Variants in DPM1 observed in about 807,000 individuals in gnomAD.
DPM1 encodes the protein dolichyl-phosphate mannosyltransferase subunit 1, catalytic.
Under a neutral mutation model 39.0 loss-of-function variants are expected in DPM1, and 27 were observed. The observed-to-expected ratio is 0.69, with a 90% CI of 0.51 to 0.95. The LOEUF (loss-of-function observed/expected upper bound fraction) is 0.95, where lower values mean the gene tolerates loss of function less well. Among genes scored for constraint, DPM1 ranks in the 40% least tolerant of loss-of-function variants. The pLI, the probability that DPM1 is intolerant of heterozygous loss-of-function variation, is 0.00. For synonymous variants in DPM1, 124 were observed against 109.0 expected, an observed-to-expected ratio of 1.14 and a Z score of -0.86; for missense variants, 307 against 315.6, an observed-to-expected ratio of 0.97 and a Z score of 0.21.
intron 5 of DPM1, among the ~76,000 whole-genome samples, chr20:50,943,405 G>A (rs1222671383): frequency 8.0e-5 from 12 of 149,874 alleles, no homozygotes; most frequent in East Asian, 6.0e-4. Flanking sequence ...CTGTTGCCAG[G>A]GTGGAGTGCA....
intron 7 of DPM1, among the ~76,000 whole-genome samples, chr20:50,938,968 C>T (rs1488793592): frequency 4.0e-5 from 6 of 151,756 alleles, no homozygotes; most frequent in Non-Finnish European, 7.4e-5. Context: ...GCAACAAGAG[C>T]GAAACCCTGT....
chr20:50,953,426 T>TTCAATATCCTTCATTTTC (rs1986680268), intron 2 of DPM1, among the ~76,000 whole-genome samples: 1 of 152,248 alleles, frequency 6.6e-6, no homozygotes, highest in Non-Finnish European at 1.5e-5. Flanking sequence ...CTAACATGGT[T>TTCAATATCCTTCATTTTC]TCAATATCCT....
At chr20:50,943,339 T>A (rs1418120759) in intron 5 of DPM1, among the ~76,000 whole-genome samples, 5 of 152,120 alleles carry the variant, frequency 3.3e-5, no homozygotes, top group Non-Finnish European at 7.4e-5. Context: ...CAATAAACAG[T>A]GCTACAATAA....
chr20:50,941,338 T>C (rs1275986684), intron 6 of DPM1: 1 of 137,170 alleles, frequency 7.3e-6, no homozygotes, highest in Non-Finnish European at 1.4e-5. Flanking sequence ...TCATATATAT[T>C]CGTATTATAT....
Position 50,936,189 on chromosome 20 carries a change from T to C in DPM1, c.637A>G (p.Met213Val), listed in dbSNP as rs762379444. 6.2e-6 allele frequency: 10 copies of C among 1,613,688 alleles called. No homozygotes were observed. Among genetic ancestry groups the C allele is most frequent in the Admixed American group, 1.7e-5 (1 of 60,008 alleles). Residue 213 changes from methionine (M) to valine (V), a missense_variant, in exon 8 of 9, where the codon ATG becomes GTG. Physicochemically the swap from Met to Val is conservative, Grantham distance 21. Transcript: ENST00000371588. ...VSKGYVFQME[M>V]IVRARQLNYT... Reference sequence around the variant, plus strand: ...TTCAACTGTCTTGCCCGAACAATCATCTCCATCTGGAAGACGTAGCCTTTA... The same window carrying C: ...TTCAACTGTCTTGCCCGAACAATCACCTCCATCTGGAAGACGTAGCCTTTA...
At chr20:50,944,527 A>G (rs1986139845) in intron 5 of DPM1, 1 of 152,320 alleles carries the variant, frequency 6.6e-6, no homozygotes, top group African/African-American at 2.4e-5. Flanking sequence ...CATGGAAAGC[A>G]AAAAGGAAGG....
At position 50,955,575 on chromosome 20, in the gene DPM1, A is replaced by AT. The variant is rs1384211854; in HGVS notation, c.162-291dup. Among the ~76,000 whole-genome samples, 25 of 152,118 alleles carry AT rather than the reference A, an allele frequency of 1.6e-4. 1 individual carries two copies. The South Asian group carries it at 3.9e-3, about 24-fold the overall frequency. ...ACGTAATGACCTATGTATCATATGA[A>AT]TTTTTTTTGTTTTGAGATGGAGTCT... On this transcript the variant is annotated intron_variant, in intron 1 of 8. Coordinates refer to ENST00000371588, the MANE Select transcript of DPM1 (RefSeq NM_003859.3).
intron 5 of DPM1, chr20:50,944,302 G>C (rs957678362): frequency 6.6e-6 from 1 of 152,076 alleles, no homozygotes; most frequent in Non-Finnish European, 1.5e-5. Context: ...TAGCCATTTG[G>C]ATTTCTTCTA....
chr20:50,956,465 G>C (rs1986825748), intron 1 of DPM1, among the ~76,000 whole-genome samples: 1 of 151,032 alleles, frequency 6.6e-6, no homozygotes. Flanking sequence ...GGCGGGGCCT[G>C]CAGTGAGCCA....
At chr20:50,948,539 T>C in intron 3 of DPM1, 90 bp downstream of exon 3, 1 of 1,168,244 alleles carries the variant, frequency 8.6e-7, no homozygotes, top group South Asian at 1.2e-5. Flanking sequence ...GTTACTGTAT[T>C]TTGGCCCTAT....
At position 50,958,402 on chromosome 20, in the gene DPM1, G is replaced by C. The variant is rs2123155224; in HGVS notation, c.122C>G (p.Pro41Arg). ...TTTCACCAGCAGCCACACGATGAGC[G>C]GCAGGTTCTCGCGCTCGTTGTAGGT... The part of the protein sequence containing the change: ...LPTYNERENL[P>R]LIVWLLVKSF... The change falls in exon 1 of 9, where the codon CCG becomes CGG. Residue 41 changes from proline to arginine, a missense_variant. Coordinates refer to ENST00000371588, the MANE Select transcript of DPM1 (RefSeq NM_003859.3). 4 of 1,614,022 alleles carry C rather than the reference G, an allele frequency of 2.5e-6. No individual in the cohort carries two copies. The highest frequency in any genetic ancestry group is 3.4e-6 in the Non-Finnish European group (4 of 1,180,042).
intron 1 of DPM1, among the ~76,000 whole-genome samples, chr20:50,957,953 C>T (rs1257617172): frequency 6.6e-6 from 1 of 152,214 alleles, no homozygotes; most frequent in African/African-American, 2.4e-5. Context: ...AAACCTCATG[C>T]TTATGTAAGC....
intron 2 of DPM1, among the ~76,000 whole-genome samples, chr20:50,952,714 G>A (rs1042197775): frequency 6.6e-6 from 1 of 152,108 alleles, no homozygotes; most frequent in African/African-American, 2.4e-5. Context: ...TTTAGGAATG[G>A]ACAGAAGTTT....
At position 50,940,851 on chromosome 20, in the gene DPM1, A is replaced by C. The variant is rs1323963306; in HGVS notation, c.563+14T>G. 6.2e-7 allele frequency: 1 copy of C among 1,606,202 alleles called. No individual in the cohort carries two copies. Among genetic ancestry groups the C allele is most frequent in the Non-Finnish European group, 8.5e-7 (1 of 1,172,932 alleles). ...CAAGAAGTTATATAAAAGTAGTGGA[A>C]ATTTTCACTGTACCTGAAACTTCCT... On this transcript the variant is annotated intron_variant, in intron 7 of 8. Coordinates refer to ENST00000371588, the MANE Select transcript of DPM1 (RefSeq NM_003859.3).
Position 50,954,212 on chromosome 20 carries a change from AAATAAC to A in DPM1, c.261+968_261+973del, listed in dbSNP as rs1258323080. 3.3e-5 allele frequency among the ~76,000 whole-genome samples: 5 copies of A among 152,304 alleles called. No individual in the cohort carries two copies. The South Asian group carries it at 6.2e-4, about 19-fold the overall frequency. ...ATTAATTTACCATTTCTTGAACTGT[AAATAAC>A]AATAAAGGTTCTCAAAGGGACTTCT... is the stretch of plus-strand genomic sequence containing the variant. On this transcript the variant is annotated intron_variant, in intron 2 of 8. Transcript: ENST00000371588.
rs1018730542 is a variant in DPM1 at position 50,934,871 on chromosome 20, T to G, written c.*261A>C. 19 of 279,724 alleles carry G rather than the reference T, an allele frequency of 6.8e-5. No individual in the cohort carries two copies. The highest frequency in any genetic ancestry group is 1.0e-4 in the Non-Finnish European group (15 of 148,048). 17.3% of individuals were successfully genotyped at this position (279,724 alleles called of 1,614,324 possible). Reference sequence around the variant, plus strand: ...ATACTCTAATGAAGGCAGCAATACTTTATGCAAAAAAAAATATACATTTAT... The same window carrying G: ...ATACTCTAATGAAGGCAGCAATACTGTATGCAAAAAAAAATATACATTTAT... On this transcript the variant is annotated 3_prime_UTR_variant, in exon 9 of 9. Transcript: ENST00000371588.
rs574272269 is a variant in DPM1 at position 50,942,735 on chromosome 20, A to G, written c.399-609T>C. ...GTTCTTGCCTTCTTTGAAGCAAATA[A>G]TACTAAAAACAGCCTGATGTCCTGC... On this transcript the variant is annotated intron_variant, in intron 5 of 8. Transcript: ENST00000371588. Among the ~76,000 whole-genome samples the G allele has an allele frequency of 7.9e-5, 12 of 152,312 alleles. No individual in the cohort carries two copies. The South Asian group carries it at 2.5e-3, about 32-fold the overall frequency.
At chr20:50,949,537 G>T (rs544173845) in intron 2 of DPM1, among the ~76,000 whole-genome samples, 2 of 152,084 alleles carry the variant, frequency 1.3e-5, no homozygotes, top group African/African-American at 4.8e-5. Flanking sequence ...TTGCTTAATA[G>T]TTGGAGCCTG....
chr20:50,936,137 C>T lies in DPM1; in HGVS notation c.678+11G>A, dbSNP rs182795264. 3 of 1,565,264 alleles carry T rather than the reference C, an allele frequency of 1.9e-6. No individual in the cohort carries two copies. In the East Asian group the frequency reaches 6.7e-5, roughly 35 times the overall value. ...AGGAACATGACACACTATTTAGCAT[C>T]AGTTGCATACCTCGCCAATAGTATA... On this transcript the variant is annotated intron_variant, in intron 8 of 8. Coordinates refer to ENST00000371588, the MANE Select transcript of DPM1 (RefSeq NM_003859.3).
Sources: gnomAD v4.1 joint callset for allele counts (sites outside exome capture counted in the v4.1 genomes callset) on GRCh38, gnomAD v4.1.1 for gene constraint, MANE v1.5 for transcripts, NCBI Gene and HGNC (gene_info 2026-07-23, HGNC 2026-07-21) for gene names.